Variants in RUNX2 observed in about 807,000 individuals in gnomAD.
The protein encoded by RUNX2 is RUNX family transcription factor 2, also known as runt-related transcription factor 2.
A neutral mutation model predicts 51.7 loss-of-function variants in RUNX2; 10 were observed. The ratio of observed to expected loss-of-function variants is 0.19; its 90% CI spans 0.12 to 0.33. RUNX2 has a LOEUF of 0.33. Among genes scored for constraint, RUNX2 ranks in the 10% least tolerant of loss-of-function variants. The pLI is 1.00. For missense variants in RUNX2, 562 were observed against 691.3 expected (o/e 0.81, Z 2.10); for synonymous variants, 276 against 273.6 (o/e 1.01, Z -0.09).
chr6:45,348,361 T>C (rs1250181265), intron 2 of RUNX2, among the ~76,000 whole-genome samples: 1 of 151,656 alleles, frequency 6.6e-6, no homozygotes, highest in Non-Finnish European at 1.5e-5. Flanking sequence ...GTCTCCTCAT[T>C]TTCTTAATCT....
At chr6:45,357,702 A>G (rs1364037666) in intron 2 of RUNX2, among the ~76,000 whole-genome samples, 3 of 152,204 alleles carry the variant, frequency 2.0e-5, no homozygotes, top group Admixed American at 1.3e-4. Flanking sequence ...CATAATAAAA[A>G]TAATGAATTG....
intron 5 of RUNX2, among the ~76,000 whole-genome samples, chr6:45,485,716 T>TATATATATATATATATATATATATATAC (rs1554394671): frequency 1.3e-4 from 16 of 126,486 alleles, no homozygotes; most frequent in Admixed American, 3.4e-4. Flanking sequence ...TATATATATA[T>TATATATATATATATATATATATATATAC]ACACATATTT....
intron 2 of RUNX2, among the ~76,000 whole-genome samples, chr6:45,382,691 G>A (rs1797266887): frequency 6.6e-6 from 1 of 152,188 alleles, no homozygotes; most frequent in Non-Finnish European, 1.5e-5. Flanking sequence ...GATGGTGAAA[G>A]GCCTTGTGTG....
At chr6:45,345,538 A>G (rs957975261) in intron 2 of RUNX2, among the ~76,000 whole-genome samples, 1 of 152,176 alleles carries the variant, frequency 6.6e-6, no homozygotes, top group African/African-American at 2.4e-5. Flanking sequence ...CTAGTCCTCT[A>G]AGATAGAAAC....
intron 7 of RUNX2, among the ~76,000 whole-genome samples, chr6:45,520,736 T>C (rs530983153): frequency 6.6e-6 from 1 of 152,346 alleles, no homozygotes; most frequent in African/African-American, 2.4e-5. Flanking sequence ...TTCTTTTTTT[T>C]TTGAGACAGA....
chr6:45,497,166 A>G lies in RUNX2; in HGVS notation c.859+5052A>G, dbSNP rs188750795. ...AGACACCCAAGGGGCTTCCCTTCTC[A>G]TGATTCTTCCTAGGTTGCAGCGTTC... On this transcript the variant is annotated intron_variant, in intron 6 of 8. Transcript: ENST00000647337. Among the ~76,000 whole-genome samples, 568 of 152,324 alleles carry G rather than the reference A, an allele frequency of 3.7e-3. 3 individuals carry two copies. Among genetic ancestry groups the G allele is most frequent in the African/African-American group, 0.013 (530 of 41,582 alleles).
At chr6:45,451,328 A>G (rs1388613480) in intron 5 of RUNX2, among the ~76,000 whole-genome samples, 4 of 152,180 alleles carry the variant, frequency 2.6e-5, no homozygotes, top group South Asian at 2.1e-4. Flanking sequence ...GGCTTGTACT[A>G]AAAATAACCC....
intron 2 of RUNX2, among the ~76,000 whole-genome samples, chr6:45,353,589 TCTAA>T (rs538800955): frequency 5.8e-4 from 89 of 152,162 alleles, no homozygotes; most frequent in Admixed American, 1.4e-3. Flanking sequence ...GAAAAATTAT[TCTAA>T]CTTAGAACCC....
At chr6:45,511,281 T>C (rs566568440) in intron 6 of RUNX2, among the ~76,000 whole-genome samples, 1 of 152,312 alleles carries the variant, frequency 6.6e-6, no homozygotes, top group South Asian at 2.1e-4. Context: ...TCAAAAAATA[T>C]TGTTAATGTT....
chr6:45,512,357 C>T lies in RUNX2; in HGVS notation c.971C>T (p.Thr324Ile). The T allele has an allele frequency of 6.2e-7, 1 of 1,614,158 alleles. No homozygotes were observed. Among genetic ancestry groups the T allele is most frequent in the Non-Finnish European group, 8.5e-7 (1 of 1,180,018 alleles). Reference sequence around the variant, plus strand: ...CACTCTACCACCCCGCTGTCTTCCACACGGGGCACTGGGCTTCCTGCCATC... The same window carrying T: ...CACTCTACCACCCCGCTGTCTTCCATACGGGGCACTGGGCTTCCTGCCATC... ...SIHSTTPLSS[T>I]RGTGLPAITD... Residue 324 changes from threonine to isoleucine, a missense_variant, in exon 7 of 9, where the codon ACA becomes ATA. By Grantham distance (89) the Thr-to-Ile change is moderately conservative (BLOSUM62 -1). Coordinates refer to ENST00000647337, the MANE Select transcript of RUNX2 (RefSeq NM_001024630.4).
At chr6:45,495,313 T>C (rs1582172729) in intron 6 of RUNX2, among the ~76,000 whole-genome samples, 1 of 152,246 alleles carries the variant, frequency 6.6e-6, no homozygotes, top group East Asian at 1.9e-4. Context: ...CAATAAGGGT[T>C]GAGAGGATAT....
rs191629817 is a variant in RUNX2 at position 45,455,829 on chromosome 6, C to T, written c.685+17778C>T. 5.9e-5 allele frequency among the ~76,000 whole-genome samples: 9 copies of T among 152,300 alleles called. No individual in the cohort carries two copies. In the East Asian group the frequency reaches 1.7e-3, roughly 29 times the overall value. ...TTATTGGTCACAAGAAATGAATATT[C>T]TCATGTACCTTACAGGATTTGTTTA... On this transcript the variant is annotated intron_variant, in intron 5 of 8. Transcript: ENST00000647337.
intron 2 of RUNX2, among the ~76,000 whole-genome samples, chr6:45,416,493 A>T (rs1798070924): frequency 6.6e-6 from 1 of 152,200 alleles, no homozygotes; most frequent in African/African-American, 2.4e-5. Flanking sequence ...GAATGGCTGA[A>T]TTACTACAGG....
chr6:45,434,468 G>A (rs1798626746), intron 4 of RUNX2, among the ~76,000 whole-genome samples: 1 of 151,530 alleles, frequency 6.6e-6, no homozygotes, highest in Non-Finnish European at 1.5e-5. Flanking sequence ...TCCACTGGTA[G>A]AAACATAAAC....
intron 7 of RUNX2, among the ~76,000 whole-genome samples, chr6:45,522,669 T>C (rs747337518): frequency 1.1e-4 from 17 of 152,318 alleles, no homozygotes; most frequent in Non-Finnish European, 1.6e-4. Flanking sequence ...TCCTGCTAGA[T>C]TGAAGACTCC....
At chr6:45,511,911 TC>T (rs1284697469) in intron 6 of RUNX2, among the ~76,000 whole-genome samples, 1 of 152,182 alleles carries the variant, frequency 6.6e-6, no homozygotes, top group African/African-American at 2.4e-5. Context: ...TAAATATAAT[TC>T]CACTTTGTAA....
At chr6:45,394,727 A>G (rs1797546240) in intron 2 of RUNX2, among the ~76,000 whole-genome samples, 2 of 152,152 alleles carry the variant, frequency 1.3e-5, no homozygotes, top group South Asian at 4.1e-4. Flanking sequence ...CTCCATGTGG[A>G]ATGCTGGAGG....
intron 7 of RUNX2, among the ~76,000 whole-genome samples, chr6:45,543,508 G>A (rs911667241): frequency 1.3e-5 from 2 of 152,190 alleles, no homozygotes; most frequent in African/African-American, 4.8e-5. Flanking sequence ...GAGCGTACCA[G>A]GCATATCACT....
At chr6:45,487,871 A>G (rs1222942275) in intron 5 of RUNX2, among the ~76,000 whole-genome samples, 1 of 152,188 alleles carries the variant, frequency 6.6e-6, no homozygotes, top group Admixed American at 6.5e-5. Context: ...CAAGATAATT[A>G]TAGATTGTGG....
Sources: gnomAD v4.1 joint callset for allele counts (sites outside exome capture counted in the v4.1 genomes callset) on GRCh38, gnomAD v4.1.1 for gene constraint, MANE v1.5 for transcripts, NCBI Gene and HGNC (gene_info 2026-07-23, HGNC 2026-07-21) for gene names.